Variants in SNX25 observed in about 807,000 individuals in gnomAD.
SNX25 encodes sorting nexin-25.
Under a neutral mutation model 113.7 loss-of-function variants are expected in SNX25, and 62 were observed. The ratio of observed to expected loss-of-function variants is 0.55; its 90% confidence interval spans 0.44 to 0.67. SNX25 has a LOEUF of 0.67. SNX25 is among the 30% of genes least tolerant of loss of function. The pLI is 0.00. For missense variants in SNX25, 1,014 were observed against 1,161.0 expected (o/e 0.87, Z 1.84); for synonymous variants, 421 against 436.2 (o/e 0.97, Z 0.43).
Position 185,363,141 on chromosome 4 carries a change from C to T in SNX25, c.2935-244C>T, listed in dbSNP as rs1240579270. Among the ~76,000 whole-genome samples the T allele has an allele frequency of 6.6e-6, 1 of 152,040 alleles. No individual in the cohort carries two copies. The highest frequency in any genetic ancestry group is 3.2e-3 in the Middle Eastern group (1 of 316). ...TACAGGCGGGAGCCACCTCGCCCATCCTCCCTTGACTTTTGATATCACATT... is the reference window on the plus strand; with the variant it reads ...TACAGGCGGGAGCCACCTCGCCCATTCTCCCTTGACTTTTGATATCACATT... On this transcript the variant is annotated intron_variant, in intron 18 of 18. Transcript: ENST00000652585. This position sits in a 1 kb window ranked among gnomAD's most constrained non-coding sequence, Gnocchi z 4.2.
chr4:185,335,194 C>T (rs2095220914), intron 10 of SNX25, among the ~76,000 whole-genome samples: 1 of 151,758 alleles, frequency 6.6e-6, no homozygotes. Context: ...GTGGCGGGTG[C>T]CTATAATCCC....
downstream of SNX25, among the ~76,000 whole-genome samples, chr4:185,367,658 G>A (rs1417526041): frequency 6.6e-6 from 1 of 152,018 alleles, no homozygotes; most frequent in Middle Eastern, 3.2e-3. Context: ...TGTCTAAATA[G>A]TGACAAGGTG....
chr4:185,269,245 C>A (rs1243387508), intron 5 of SNX25, among the ~76,000 whole-genome samples: 1 of 152,108 alleles, frequency 6.6e-6, no homozygotes, highest in African/African-American at 2.4e-5. Flanking sequence ...TGCCTCTCCT[C>A]TCCCTAAAAC....
intron 1 of SNX25, among the ~76,000 whole-genome samples, chr4:185,242,252 T>C (rs1197012822): frequency 1.3e-5 from 2 of 152,138 alleles, no homozygotes; most frequent in African/African-American, 2.4e-5. Context: ...GGGGTTTTTT[T>C]CCCCACACAC....
At chr4:185,299,966 A>G (rs1451387770) in intron 6 of SNX25, among the ~76,000 whole-genome samples, 1 of 152,190 alleles carries the variant, frequency 6.6e-6, no homozygotes, top group Non-Finnish European at 1.5e-5. Flanking sequence ...ACAGATGAGG[A>G]GGTTTCGCCT....
At chr4:185,347,782 C>T (rs986059486) in intron 13 of SNX25, among the ~76,000 whole-genome samples, 2 of 152,046 alleles carry the variant, frequency 1.3e-5, no homozygotes, top group Non-Finnish European at 2.9e-5. Context: ...TTTGTTGTGT[C>T]TCCTTTTCTA....
intron 1 of SNX25, among the ~76,000 whole-genome samples, chr4:185,241,859 AGAGT>A (rs1744107889): frequency 6.6e-6 from 1 of 152,176 alleles, no homozygotes; most frequent in South Asian, 2.1e-4. Context: ...CTAGCATAAT[AGAGT>A]AAGTCTTTGG....
rs565339340 is a variant in SNX25, at chr4:185,248,362, T to G, written c.514+984T>G. Among the ~76,000 whole-genome samples the G allele has an allele frequency of 9.2e-5, 14 of 152,312 alleles. No homozygotes were observed. In the South Asian group the frequency reaches 2.9e-3, roughly 32 times the overall value. ...TTCATAATCTCATAATCATGATTTT[T>G]AGAGTACAGGATTGGCTGGATGTGG... is the stretch of plus-strand genomic sequence containing the variant. On this transcript the variant is annotated intron_variant, in intron 2 of 18. Coordinates refer to ENST00000652585, the MANE Select transcript of SNX25 (RefSeq NM_001378034.2).
intron 11 of SNX25, chr4:185,369,692 GTTTTAA>G (rs2095408272): frequency 4.8e-6 from 2 of 413,838 alleles, no homozygotes; most frequent in South Asian, 1.8e-5. Context: ...TGCTCTGGAA[GTTTTAA>G]TTTTAAAGTA....
downstream of SNX25, chr4:185,374,549 G>A (rs572830790): frequency 5.4e-5 from 74 of 1,377,736 alleles, 2 homozygotes; most frequent in African/African-American, 4.3e-4. Flanking sequence ...TGAAGTGTCC[G>A]CCCTCTGACA....
In SNX25 at chr4:185,209,863, C is replaced by A; in HGVS notation, c.37C>A (p.Pro13Thr). ...TGCGACCGACAGTGGCGGCGCCGGCCCCAGCCCCGCGCGGGCCGCAGGCGC... is the reference window on the plus strand; with the variant it reads ...TGCGACCGACAGTGGCGGCGCCGGCACCAGCCCCGCGCGGGCCGCAGGCGC... ...PDATDSGGAGPSPARAAGAGG... is the reference protein window; with the variant it reads ...PDATDSGGAGTSPARAAGAGG... The change falls in exon 1 of 19, where the codon CCC (proline) becomes ACC (threonine). Residue 13 changes from proline (P) to threonine (T), a missense_variant. Pro to Thr is a conservative substitution (Grantham distance 38). Transcript: ENST00000652585. This position sits in a 1 kb window ranked among gnomAD's most constrained non-coding sequence, Gnocchi z 5.2. The A allele has an allele frequency of 2.0e-6, 2 of 983,394 alleles. No individual in the cohort carries two copies. Among genetic ancestry groups the A allele is most frequent in the Non-Finnish European group, 2.4e-6 (2 of 829,198 alleles). 60.9% of individuals were successfully genotyped at this position (983,394 alleles called of 1,614,324 possible).
chr4:185,341,090 C>T (rs1172822518), intron 11 of SNX25, among the ~76,000 whole-genome samples: 1 of 152,220 alleles, frequency 6.6e-6, no homozygotes, highest in Non-Finnish European at 1.5e-5. Context: ...CTTATTGACT[C>T]CTTCTCTCTC....
At chr4:185,224,970 C>T (rs1047160898) in intron 1 of SNX25, among the ~76,000 whole-genome samples, 1 of 151,918 alleles carries the variant, frequency 6.6e-6, no homozygotes, top group Non-Finnish European at 1.5e-5. Context: ...TTCAAGAAGT[C>T]ATTCAGAGTG....
intron 13 of SNX25, among the ~76,000 whole-genome samples, chr4:185,347,404 TG>T (rs2095292505): frequency 6.6e-6 from 1 of 152,218 alleles, no homozygotes; most frequent in South Asian, 2.1e-4. Flanking sequence ...TTAGCCATTT[TG>T]GGTGTAGTAG....
Position 185,351,503 on chromosome 4 carries a change from C to T in SNX25, c.2360C>T (p.Pro787Leu). ...GAAGCACTTTATGCCTTCTTGAGCC[C>T]TTCTCCTGACTACCTCAAGGTTATC... ...QSEALYAFLS[P>L]SPDYLKVIDV... is the part of the protein sequence containing the mutation. The change falls in exon 14 of 19, where the codon CCT (proline) becomes CTT (leucine). Residue 787 changes from proline to leucine, a missense_variant. Physicochemically the swap from Pro to Leu is moderately conservative, Grantham distance 98 (BLOSUM62 -3). Coordinates refer to ENST00000652585, the MANE Select transcript of SNX25 (RefSeq NM_001378034.2). 2 of 1,614,194 alleles carry T rather than the reference C, an allele frequency of 1.2e-6. No individual in the cohort carries two copies. Among genetic ancestry groups the T allele is most frequent in the Non-Finnish European group, 1.7e-6 (2 of 1,180,040 alleles).
At chr4:185,321,814 G>A (rs2095122656) in intron 8 of SNX25, among the ~76,000 whole-genome samples, 1 of 152,126 alleles carries the variant, frequency 6.6e-6, no homozygotes, top group South Asian at 2.1e-4. Context: ...AACATGTACA[G>A]ACCTTTTTCC....
intron 12 of SNX25, among the ~76,000 whole-genome samples, chr4:185,342,870 T>A (rs189852069): frequency 3.2e-4 from 49 of 152,172 alleles, no homozygotes; most frequent in African/African-American, 1.1e-3. Flanking sequence ...TGGAATTTAT[T>A]TATTTATTTA....
intron 7 of SNX25, among the ~76,000 whole-genome samples, chr4:185,319,061 C>T (rs1345888355): frequency 2.7e-5 from 4 of 150,928 alleles, no homozygotes; most frequent in African/African-American, 9.8e-5. Context: ...CCTTTCCCCT[C>T]CAGCCCACTT....
chr4:185,239,470 A>G (rs1474057973), intron 1 of SNX25, among the ~76,000 whole-genome samples: 1 of 152,000 alleles, frequency 6.6e-6, no homozygotes, highest in Non-Finnish European at 1.5e-5. Context: ...CAACAGAGTG[A>G]GACTCCGTCT....
Sources: allele counts gnomAD v4.1 joint callset (sites outside exome capture counted in the v4.1 genomes callset), GRCh38; gene constraint gnomAD v4.1.1; non-coding constraint Gnocchi (gnomAD v3.1); transcripts MANE v1.5; gene names NCBI Gene and HGNC (gene_info 2026-07-23, HGNC 2026-07-21).